ANKS1B: variants seen among roughly 807,000 people sequenced by gnomAD.
ANKS1B encodes ankyrin repeat and sterile alpha motif domain containing 1B, also known as ankyrin repeat and sterile alpha motif domain-containing protein 1B.
ANKS1B carries 36 observed loss-of-function variants against 148.3 expected under a neutral mutation model. The observed-to-expected ratio is 0.24, with a 90% CI of 0.19 to 0.32. The LOEUF (loss-of-function observed/expected upper bound fraction) is 0.32, where lower values mean the gene tolerates loss of function less well. Among genes scored for constraint, ANKS1B ranks in the 10% least tolerant of loss-of-function variants. The pLI is 1.00. For missense variants in ANKS1B, 1,157 were observed against 1,542.6 expected (o/e 0.75, Z 4.19); for synonymous variants, 542 against 560.8 (o/e 0.97, Z 0.47).
intron 8 of ANKS1B, among the ~76,000 whole-genome samples, chr12:99,746,398 G>C (rs747988812): frequency 6.6e-6 from 1 of 152,114 alleles, no homozygotes; most frequent in Non-Finnish European, 1.5e-5. Flanking sequence ...ATTTACCAAT[G>C]TCATCAATTA....
intron 17 of ANKS1B, among the ~76,000 whole-genome samples, chr12:98,967,008 T>G (rs2099878655): frequency 6.6e-6 from 1 of 152,078 alleles, no homozygotes; most frequent in Non-Finnish European, 1.5e-5. Context: ...CTGCACGTTG[T>G]GCACATGTAC....
intron 9 of ANKS1B, among the ~76,000 whole-genome samples, chr12:99,595,654 A>C (rs2097752150): frequency 6.6e-6 from 1 of 151,932 alleles, no homozygotes; most frequent in East Asian, 1.9e-4. Context: ...ATGATCTCGC[A>C]CATTAACTCA....
chr12:99,421,525 A>G (rs11109837), intron 11 of ANKS1B, among the ~76,000 whole-genome samples: 69,135 of 151,594 alleles, frequency 0.46, 16,462 homozygotes, highest in African/African-American at 0.6. Context: ...AGGGACCACA[A>G]AGAAGGGGGA....
chr12:99,141,497 G>C (rs774121365), intron 15 of ANKS1B, among the ~76,000 whole-genome samples: 1 of 151,214 alleles, frequency 6.6e-6, no homozygotes, highest in Non-Finnish European at 1.5e-5. Context: ...GTATGTCTTG[G>C]TGGTTTGCTG....
At chr12:99,239,432 A>C (rs113518882) in intron 14 of ANKS1B, among the ~76,000 whole-genome samples, 10,297 of 152,230 alleles carry the variant, frequency 0.068, 1,075 homozygotes, top group African/African-American at 0.22. Flanking sequence ...AAGACCAAAT[A>C]TACATTTGAT....
chr12:98,741,860 C>T (rs4762507), downstream of ANKS1B, among the ~76,000 whole-genome samples: 23,700 of 152,200 alleles, frequency 0.16, 1,921 homozygotes, highest in Non-Finnish European at 0.17. Context: ...TGACTTCCCA[C>T]GTGTCTTACT....
chr12:99,842,833 T>C (rs960771621), intron 1 of ANKS1B, among the ~76,000 whole-genome samples: 4 of 152,292 alleles, frequency 2.6e-5, no homozygotes, highest in Middle Eastern at 6.8e-3. Context: ...TGCATGAGCA[T>C]TGAAAAGTAT....
chr12:99,031,320 A>G (rs1041475155), intron 17 of ANKS1B, among the ~76,000 whole-genome samples: 1 of 152,220 alleles, frequency 6.6e-6, no homozygotes, highest in Non-Finnish European at 1.5e-5. Flanking sequence ...ATTATTGATA[A>G]ATAGTATTAA....
chr12:99,769,898 C>T lies in ANKS1B; in HGVS notation c.1128+3024G>A, dbSNP rs183238899. On this transcript the variant is annotated intron_variant, in intron 8 of 26. Coordinates refer to ENST00000683438, the MANE Select transcript of ANKS1B (RefSeq NM_001352186.2). Reference sequence around the variant, plus strand: ...CTTTTGCACTTACTGTTTCTTCAGGCTGGAATCCTTTCTCAATCATTTGTC... The same window carrying T: ...CTTTTGCACTTACTGTTTCTTCAGGTTGGAATCCTTTCTCAATCATTTGTC... Among the ~76,000 whole-genome samples, 19 of 152,312 alleles carry T rather than the reference C, an allele frequency of 1.2e-4. No homozygotes were observed. In the East Asian group the frequency reaches 2.7e-3, roughly 22 times the overall value.
At chr12:99,542,738 A>G (rs1321200976) in intron 9 of ANKS1B, among the ~76,000 whole-genome samples, 1 of 152,188 alleles carries the variant, frequency 6.6e-6, no homozygotes, top group Non-Finnish European at 1.5e-5. Context: ...AATAGAAAAA[A>G]TAGTTTTTTC....
intron 9 of ANKS1B, among the ~76,000 whole-genome samples, chr12:99,541,976 T>G (rs1270045367): frequency 1.3e-5 from 2 of 152,108 alleles, no homozygotes; most frequent in Non-Finnish European, 2.9e-5. Context: ...TATTTAATGG[T>G]GAAAAACTGA....
intron 9 of ANKS1B, among the ~76,000 whole-genome samples, chr12:99,639,361 T>G (rs1393884486): frequency 1.3e-5 from 2 of 152,342 alleles, no homozygotes; most frequent in East Asian, 3.9e-4. Flanking sequence ...GAAACTTGCC[T>G]TGTCTCAGGT....
intron 12 of ANKS1B, among the ~76,000 whole-genome samples, chr12:99,254,585 C>G (rs1439877420): frequency 6.6e-6 from 1 of 152,110 alleles, no homozygotes; most frequent in East Asian, 1.9e-4. Context: ...CTGCAATGTA[C>G]CATGGCAGAA....
intron 11 of ANKS1B, among the ~76,000 whole-genome samples, chr12:99,436,726 G>T (rs182654947): frequency 9.0e-4 from 137 of 152,056 alleles, no homozygotes; most frequent in African/African-American, 3.2e-3. Context: ...ATCATACACA[G>T]GTCCAGAAGA....
intron 10 of ANKS1B, among the ~76,000 whole-genome samples, chr12:99,467,207 G>C (rs536992644): frequency 5.3e-5 from 8 of 152,242 alleles, no homozygotes; most frequent in East Asian, 1.9e-4. Context: ...TATCTCAATA[G>C]ATGCAGAAAA....
intron 14 of ANKS1B, among the ~76,000 whole-genome samples, chr12:99,189,420 T>A (rs201776149): frequency 3.9e-5 from 6 of 152,142 alleles, no homozygotes; most frequent in Admixed American, 3.3e-4. Flanking sequence ...ATATCCCTGA[T>A]GAACATCAAT....
chr12:98,837,495 C>A (rs1173710818), intron 17 of ANKS1B, among the ~76,000 whole-genome samples: 1 of 152,148 alleles, frequency 6.6e-6, no homozygotes, highest in African/African-American at 2.4e-5. Flanking sequence ...TTCATCACAG[C>A]AGTAGCCGCC....
At chr12:99,958,354 T>C (rs1364551628) in intron 1 of ANKS1B, among the ~76,000 whole-genome samples, 1 of 152,172 alleles carries the variant, frequency 6.6e-6, no homozygotes, top group African/African-American at 2.4e-5. Flanking sequence ...CTTTATTCAT[T>C]AAGCAATGGC....
chr12:98,776,378 T>G (rs1325056507), intron 24 of ANKS1B, among the ~76,000 whole-genome samples: 1 of 152,242 alleles, frequency 6.6e-6, no homozygotes, highest in Admixed American at 6.5e-5. Flanking sequence ...TCAGTCTCCA[T>G]TTCTAAGCAC....
Sources: allele counts gnomAD v4.1 joint callset (sites outside exome capture counted in the v4.1 genomes callset), GRCh38; gene constraint gnomAD v4.1.1; transcripts MANE v1.5; gene names NCBI Gene and HGNC (gene_info 2026-07-23, HGNC 2026-07-21).